The following ROBO1 variants were observed in gnomAD, a reference collection of about 807,000 sequenced individuals.
The protein encoded by ROBO1 is roundabout homolog 1.
Under a neutral mutation model 195.9 loss-of-function variants are expected in ROBO1, and 149 were observed. The ratio of observed to expected loss-of-function variants is 0.76; its 90% CI spans 0.67 to 0.87. ROBO1 has a LOEUF of 0.87. Among genes scored for constraint, ROBO1 ranks in the 40% least tolerant of loss-of-function variants. The pLI, the probability that ROBO1 is intolerant of heterozygous loss-of-function variation, is 0.00. For synonymous variants in ROBO1, 816 were observed against 733.2 expected, an observed-to-expected ratio of 1.11 and a Z score of -1.82; for missense variants, 1,933 against 2,068.3, an observed-to-expected ratio of 0.93 and a Z score of 1.27.
chr3:78,939,374 G>T (rs887555955), intron 3 of ROBO1, among the ~76,000 whole-genome samples: 1 of 151,950 alleles, frequency 6.6e-6, no homozygotes, highest in Admixed American at 6.6e-5. Flanking sequence ...CAGCACTTTG[G>T]GGGGCCGAGG....
rs932515945 is a variant in ROBO1, at chr3:79,051,986, A to G, written c.172+73470T>C. Among the ~76,000 whole-genome samples, 6 of 152,114 alleles carry G rather than the reference A, an allele frequency of 3.9e-5. No individual in the cohort carries two copies. In the South Asian group the frequency reaches 1.0e-3, roughly 26 times the overall value. ...TATCTGTACAAATTGTTTGTAAAAC[A>G]TATGTGTTTGAACAATATGAAATCT... is the stretch of plus-strand genomic sequence containing the variant. On this transcript the variant is annotated intron_variant, in intron 3 of 30. Transcript: ENST00000464233.
chr3:79,424,317 A>C (rs1263779232), intron 2 of ROBO1, among the ~76,000 whole-genome samples: 1 of 152,142 alleles, frequency 6.6e-6, no homozygotes, highest in East Asian at 1.9e-4. Flanking sequence ...ACACATAATC[A>C]AACATTTGAG....
chr3:79,394,428 A>G (rs759391163), intron 2 of ROBO1, among the ~76,000 whole-genome samples: 8 of 152,022 alleles, frequency 5.3e-5, no homozygotes, highest in Non-Finnish European at 7.4e-5. Flanking sequence ...AATCAAATAG[A>G]ATAATGTATA....
At chr3:79,127,771 C>T (rs1361303483) in intron 2 of ROBO1, among the ~76,000 whole-genome samples, 1 of 152,186 alleles carries the variant, frequency 6.6e-6, no homozygotes, top group Non-Finnish European at 1.5e-5. Flanking sequence ...CAGATTTCCA[C>T]CTGCATGTAA....
At chr3:79,155,597 C>T (rs2080844976) in intron 2 of ROBO1, among the ~76,000 whole-genome samples, 1 of 151,694 alleles carries the variant, frequency 6.6e-6, no homozygotes, top group South Asian at 2.1e-4. Context: ...TCAGTACAGT[C>T]CATAGTACAT....
chr3:78,817,803 T>C (rs774934372), intron 4 of ROBO1, among the ~76,000 whole-genome samples: 2 of 152,190 alleles, frequency 1.3e-5, no homozygotes, highest in South Asian at 4.1e-4. Flanking sequence ...GTTTCAATGG[T>C]CATAGTTCCA....
At chr3:79,655,061 C>T (rs1339770021) in intron 1 of ROBO1, among the ~76,000 whole-genome samples, 1 of 151,912 alleles carries the variant, frequency 6.6e-6, no homozygotes, top group Non-Finnish European at 1.5e-5. Flanking sequence ...ACTGTCACTG[C>T]CACAGGAAAA....
chr3:79,120,655 T>TTAA (rs2080099932), intron 3 of ROBO1, among the ~76,000 whole-genome samples: 1 of 151,964 alleles, frequency 6.6e-6, no homozygotes, highest in Non-Finnish European at 1.5e-5. Flanking sequence ...TATGAAGGGT[T>TTAA]TAATGAGGGA....
intron 1 of ROBO1, among the ~76,000 whole-genome samples, chr3:79,760,305 A>C (rs1704627279): frequency 6.7e-6 from 1 of 148,268 alleles, no homozygotes; most frequent in Non-Finnish European, 1.5e-5. Flanking sequence ...AAAATATAAG[A>C]AGTATTTTAT....
At chr3:78,631,831 G>T (rs1158583013) in intron 24 of ROBO1, among the ~76,000 whole-genome samples, 2 of 152,162 alleles carry the variant, frequency 1.3e-5, no homozygotes, top group Admixed American at 1.3e-4. Flanking sequence ...ATAACTGATA[G>T]AACTAATGAC....
chr3:79,127,838 C>A (rs983777090), intron 2 of ROBO1, among the ~76,000 whole-genome samples: 1 of 152,196 alleles, frequency 6.6e-6, no homozygotes, highest in South Asian at 2.1e-4. Context: ...ACCTTTCTGG[C>A]CCCTTCTTAG....
intron 3 of ROBO1, among the ~76,000 whole-genome samples, chr3:79,062,055 G>A (rs115031807): frequency 0.013 from 1,946 of 152,046 alleles, 49 homozygotes; most frequent in African/African-American, 0.044. Context: ...CCATCAGAGT[G>A]AACAGGCAAC....
At chr3:78,643,192 A>C (rs1019656080) in intron 21 of ROBO1, among the ~76,000 whole-genome samples, 1 of 152,182 alleles carries the variant, frequency 6.6e-6, no homozygotes, top group African/African-American at 2.4e-5. Flanking sequence ...AGGCTTCCCA[A>C]GCCATAGAGC....
intron 2 of ROBO1, among the ~76,000 whole-genome samples, chr3:79,544,974 T>C (rs1327306265): frequency 6.6e-6 from 1 of 152,172 alleles, no homozygotes; most frequent in Non-Finnish European, 1.5e-5. Context: ...AAATAATACA[T>C]GTTCATTCAT....
intron 3 of ROBO1, among the ~76,000 whole-genome samples, chr3:78,984,837 C>T (rs2077070365): frequency 6.6e-6 from 1 of 152,064 alleles, no homozygotes; most frequent in Non-Finnish European, 1.5e-5. Flanking sequence ...ATACAGTTGA[C>T]CCTTAAACAA....
chr3:79,280,817 C>T (rs2031447591), intron 2 of ROBO1, among the ~76,000 whole-genome samples: 1 of 152,124 alleles, frequency 6.6e-6, no homozygotes, highest in African/African-American at 2.4e-5. Flanking sequence ...CTCGCATGCG[C>T]ACTTCACAAT....
At chr3:79,265,399 T>C (rs973962159) in intron 2 of ROBO1, among the ~76,000 whole-genome samples, 1 of 151,648 alleles carries the variant, frequency 6.6e-6, no homozygotes, top group Non-Finnish European at 1.5e-5. Context: ...AAATTATATT[T>C]GGGAATTTAC....
At position 79,178,059 on chromosome 3, in the gene ROBO1, G is replaced by T. The variant is rs79944920; in HGVS notation, c.89-52520C>A. Among the ~76,000 whole-genome samples, 433 of 152,248 alleles carry T rather than the reference G, an allele frequency of 2.8e-3. 1 individual carries two copies. The highest frequency in any genetic ancestry group is 4.9e-3 in the Non-Finnish European group (336 of 68,018). ...ATCATTACTAAAAATTGCAATGGAA[G>T]TTATTAGCTTTTACCTCGATTTTTG... On this transcript the variant is annotated intron_variant, in intron 2 of 30. Coordinates refer to ENST00000464233, the MANE Select transcript of ROBO1 (RefSeq NM_002941.4).
At chr3:78,918,734 G>T (rs143364758) in intron 4 of ROBO1, among the ~76,000 whole-genome samples, 1 of 152,082 alleles carries the variant, frequency 6.6e-6, no homozygotes, top group Non-Finnish European at 1.5e-5. Flanking sequence ...TGCCTTCTAA[G>T]GTACCCAGGA....
Sources: allele counts gnomAD v4.1 joint callset (sites outside exome capture counted in the v4.1 genomes callset), GRCh38; gene constraint gnomAD v4.1.1; transcripts MANE v1.5; gene names NCBI Gene and HGNC (gene_info 2026-07-23, HGNC 2026-07-21).